The following KAZN variants were observed in gnomAD, a reference collection of about 807,000 sequenced individuals.
The protein encoded by KAZN is kazrin.
KAZN carries 40 observed loss-of-function variants against 87.4 expected under a neutral mutation model. That is an observed-to-expected ratio of 0.46 (90% CI 0.36 to 0.60). KAZN has a LOEUF of 0.60. KAZN is among the 20% of genes least tolerant of loss of function. The pLI is 0.00. For missense variants in KAZN, 898 were observed against 1,073.9 expected (o/e 0.84, Z 2.29); for synonymous variants, 466 against 458.3 (o/e 1.02, Z -0.22).
chr1:13,987,612 G>T (rs1411948954), intron 1 of KAZN, among the ~76,000 whole-genome samples: 1 of 152,080 alleles, frequency 6.6e-6, no homozygotes, highest in Non-Finnish European at 1.5e-5. Context: ...CATCTGGGGA[G>T]GGCCTGCTTA....
intron 2 of KAZN, among the ~76,000 whole-genome samples, chr1:14,273,132 T>G (rs960271309): frequency 1.3e-5 from 2 of 152,090 alleles, no homozygotes; most frequent in Admixed American, 6.5e-5. Flanking sequence ...GCTAGGGAAT[T>G]GCAGATTAAC....
At chr1:14,725,824 C>T (rs529663413) in intron 1 of KAZN, among the ~76,000 whole-genome samples, 5 of 152,328 alleles carry the variant, frequency 3.3e-5, no homozygotes, top group African/African-American at 7.2e-5. Flanking sequence ...TCTGGGGTGG[C>T]TGAGCCTCTG....
chr1:14,604,934 C>T (rs1208021706), intron 1 of KAZN, among the ~76,000 whole-genome samples: 1 of 152,234 alleles, frequency 6.6e-6, no homozygotes, highest in Non-Finnish European at 1.5e-5. Context: ...CCCTTCTCCT[C>T]TGTCCTCTTC....
chr1:13,967,542 G>A (rs1210897778), intron 1 of KAZN, among the ~76,000 whole-genome samples: 1 of 152,200 alleles, frequency 6.6e-6, no homozygotes, highest in Non-Finnish European at 1.5e-5. Context: ...GTCAAGTCCT[G>A]CGTTCACCAC....
chr1:14,556,918 G>C (rs969076525), intron 2 of KAZN, among the ~76,000 whole-genome samples: 4 of 152,170 alleles, frequency 2.6e-5, no homozygotes, highest in African/African-American at 9.7e-5. Context: ...GGAACAGTTT[G>C]TCGCCAAATT....
At chr1:14,078,063 C>T (rs537837509) in intron 1 of KAZN, among the ~76,000 whole-genome samples, 10 of 152,294 alleles carry the variant, frequency 6.6e-5, no homozygotes, top group African/African-American at 1.4e-4. Context: ...TGATCTGTTA[C>T]GGTGGCCCTA....
At chr1:13,913,516 A>G (rs1639727599) in intron 1 of KAZN, among the ~76,000 whole-genome samples, 1 of 152,124 alleles carries the variant, frequency 6.6e-6, no homozygotes, top group African/African-American at 2.4e-5. Context: ...GGGGCCCTGT[A>G]AGGTCAGGGA....
intron 1 of KAZN, among the ~76,000 whole-genome samples, chr1:14,163,394 T>A (rs1254505473): frequency 6.6e-6 from 1 of 152,184 alleles, no homozygotes; most frequent in Non-Finnish European, 1.5e-5. Context: ...TGGGGTGAGC[T>A]GTCCACATGC....
At chr1:14,855,847 T>C (rs1032561899) in intron 1 of KAZN, among the ~76,000 whole-genome samples, 2 of 152,194 alleles carry the variant, frequency 1.3e-5, no homozygotes, top group African/African-American at 4.8e-5. Flanking sequence ...GCCATCAGCC[T>C]ATGTAATTGG....
rs529141975 is a variant in KAZN, at chr1:14,273,564, T to C, written c.249+92972T>C. ...ACAGTTAAAAAAAATATACAGTTTA[T>C]ATTCAAAGCTTAGCCCAGAATTAAT... is the stretch of plus-strand genomic sequence containing the variant. On this transcript the variant is annotated intron_variant, in intron 2 of 16. Coordinates refer to the KAZN transcript ENST00000636203. 2.0e-5 allele frequency among the ~76,000 whole-genome samples: 3 copies of C among 152,330 alleles called. 1 individual carries two copies. The highest frequency in any genetic ancestry group is 6.8e-3 in the Middle Eastern group (2 of 294).
chr1:14,356,261 CT>C (rs1275623830), intron 2 of KAZN, among the ~76,000 whole-genome samples: 46 of 152,094 alleles, frequency 3.0e-4, no homozygotes, highest in Non-Finnish European at 6.0e-4. Flanking sequence ...CCTTTGCCCA[CT>C]TTTTGATGGG....
chr1:15,083,207 A>G (rs1640088746), intron 8 of KAZN, among the ~76,000 whole-genome samples: 1 of 152,220 alleles, frequency 6.6e-6, no homozygotes, highest in Non-Finnish European at 1.5e-5. Context: ...GCTCCTAGAC[A>G]GGCATGTGGA....
intron 1 of KAZN, among the ~76,000 whole-genome samples, chr1:14,791,761 G>A (rs1185844440): frequency 6.6e-6 from 1 of 152,236 alleles, no homozygotes; most frequent in African/African-American, 2.4e-5. Context: ...GGCCTCCCTG[G>A]CACGCTTGCC....
chr1:14,818,273 G>A (rs915557607), intron 1 of KAZN, among the ~76,000 whole-genome samples: 2 of 152,224 alleles, frequency 1.3e-5, no homozygotes, highest in Non-Finnish European at 2.9e-5. Flanking sequence ...CCAGTCCCAT[G>A]TGTATTGCGA....
chr1:14,067,628 G>A (rs771420136), intron 1 of KAZN, among the ~76,000 whole-genome samples: 39 of 149,978 alleles, frequency 2.6e-4, no homozygotes, highest in Non-Finnish European at 4.1e-4. Context: ...CCACCCTTCT[G>A]TCTGTCCCCC....
chr1:14,329,836 C>T (rs939371226), intron 2 of KAZN, among the ~76,000 whole-genome samples: 1 of 152,230 alleles, frequency 6.6e-6, no homozygotes, highest in Non-Finnish European at 1.5e-5. Context: ...GGATTCATTG[C>T]TCAGTAAGTG....
chr1:13,950,443 C>T (rs926618756), intron 1 of KAZN, among the ~76,000 whole-genome samples: 4 of 152,204 alleles, frequency 2.6e-5, no homozygotes, highest in Non-Finnish European at 4.4e-5. Flanking sequence ...TTGTATATCC[C>T]CAGCGTTCAG....
intron 1 of KAZN, among the ~76,000 whole-genome samples, chr1:14,706,378 G>A (rs1294322850): frequency 6.6e-6 from 1 of 151,692 alleles, no homozygotes; most frequent in African/African-American, 2.4e-5. Context: ...ACCAGTTCCT[G>A]GTGCCAAAAA....
rs1638264880 is a variant in KAZN at position 15,056,245 on chromosome 1, A to G, written c.881A>G (p.Tyr294Cys). The change falls in exon 5 of 15, where the codon TAC becomes TGC. Residue 294 changes from tyrosine to cysteine, a missense_variant. Tyr to Cys is a radical substitution (Grantham distance 194, BLOSUM62 -2). This residue lies in a region of KAZN where 521 missense variants were observed against 689.4 expected (regional missense o/e 0.76). Transcript: ENST00000376030. The surrounding 1 kb of genome is among the most constrained non-coding windows in gnomAD (Gnocchi z 5.4). Reference protein sequence around the residue: ...AAIRQSQQTLYHSHPPHPADR... With the variant: ...AAIRQSQQTLCHSHPPHPADR... Reference sequence around the variant, plus strand: ...ATCCGGCAGAGTCAACAGACTCTCTACCACTCACACCCCCCTCACCCTGCG... The same window carrying G: ...ATCCGGCAGAGTCAACAGACTCTCTGCCACTCACACCCCCCTCACCCTGCG... 1.2e-6 allele frequency: 2 copies of G among 1,612,536 alleles called. No individual in the cohort carries two copies. The highest frequency in any genetic ancestry group is 3.3e-5 in the Admixed American group (2 of 59,982).
Sources: gnomAD v4.1 joint callset for allele counts (sites outside exome capture counted in the v4.1 genomes callset) on GRCh38, gnomAD v4.1.1 for gene constraint, gnomAD v4.1.1 regional missense constraint, Gnocchi (gnomAD v3.1) non-coding constraint, MANE v1.5 for transcripts, NCBI Gene and HGNC (gene_info 2026-07-23, HGNC 2026-07-21) for gene names.